SPG7: variants seen among roughly 807,000 people sequenced by gnomAD.
The protein encoded by SPG7 is mitochondrial inner membrane m-AAA protease component paraplegin.
SPG7 carries 103 observed loss-of-function variants against 81.9 expected under a neutral mutation model. The ratio of observed to expected loss-of-function variants is 1.26; its 90% CI spans 1.07 to 1.48. The LOEUF is 1.48. Among genes scored for constraint, SPG7 ranks in the 40% most tolerant of loss-of-function variants. The probability of loss-of-function intolerance (pLI) is 0.00; values close to 1 mark genes in which losing one functional copy is unlikely to be tolerated. For missense variants in SPG7, 1,241 were observed against 1,087.3 expected, an observed-to-expected ratio of 1.14 and a Z score of -1.99; for synonymous variants, 534 against 444.2, an observed-to-expected ratio of 1.20 and a Z score of -2.54.
chr16:89,530,461 G>A (rs1180844137), intron 6 of SPG7: 2 of 607,132 alleles, frequency 3.3e-6, no homozygotes, highest in Admixed American at 5.3e-5. Context: ...TTTTTTTAAA[G>A]CAAATTGCTA....
chr16:89,546,079 C>T, intron 10 of SPG7: 1 of 306,482 alleles, frequency 3.3e-6, no homozygotes, highest in South Asian at 2.5e-5. Flanking sequence ...ACCTCTCCTT[C>T]CAAGAGCGTT....
Position 89,553,826 on chromosome 16 carries a change from A to C in SPG7, c.1969A>C (p.Ile657Leu). 6.2e-7 allele frequency: 1 copy of C among 1,613,550 alleles called. No individual in the cohort carries two copies. The highest frequency in any genetic ancestry group is 8.5e-7 in the Non-Finnish European group (1 of 1,180,022). Reference protein sequence around the residue: ...AQDDLRKVTRIAYSMVKQFGM... With the variant: ...AQDDLRKVTRLAYSMVKQFGM... ...GGACGACCTGAGGAAGGTCACCCGCATCGCCTACTCCATGGTGAAGCAGTT... is the reference window on the plus strand; with the variant it reads ...GGACGACCTGAGGAAGGTCACCCGCCTCGCCTACTCCATGGTGAAGCAGTT... The change falls in exon 15 of 17, where the codon ATC becomes CTC. Residue 657 changes from isoleucine (I) to leucine (L), a missense_variant. Transcript: ENST00000645818.
At chr16:89,512,181 G>A (rs924737783) in intron 2 of SPG7, among the ~76,000 whole-genome samples, 1 of 152,112 alleles carries the variant, frequency 6.6e-6, no homozygotes, top group African/African-American at 2.4e-5. Flanking sequence ...AAAGTGCTGG[G>A]ATTACAGGCG....
At chr16:89,524,759 T>C (rs1052624883) in intron 4 of SPG7, among the ~76,000 whole-genome samples, 1 of 152,020 alleles carries the variant, frequency 6.6e-6, no homozygotes, top group African/African-American at 2.4e-5. Flanking sequence ...CTGGTAACTT[T>C]AGATTCCAAG....
At chr16:89,533,832 A>G (rs2058377896) in intron 9 of SPG7, 1 of 151,680 alleles carries the variant, frequency 6.6e-6, no homozygotes, top group African/African-American at 2.4e-5. Context: ...TTATGTGGAT[A>G]TTGTTGTGGT....
chr16:89,550,030 T>A (rs1382214135), intron 12 of SPG7: 12 of 239,354 alleles, frequency 5.0e-5, no homozygotes, highest in Non-Finnish European at 7.5e-5. Flanking sequence ...ACCTGAAGAG[T>A]GTCGTTTTGA....
intron 8 of SPG7, 99 bp from the exon 9 acceptor site, chr16:89,532,364 T>C: frequency 7.0e-7 from 1 of 1,422,978 alleles, no homozygotes. Flanking sequence ...CTGGTAGCTT[T>C]AGTTGTCCTT....
chr16:89,530,984 A>T, intron 7 of SPG7, 176 bp downstream of exon 7: 1 of 812,880 alleles, frequency 1.2e-6, no homozygotes, highest in East Asian at 2.7e-5. Context: ...AACCAGCAGC[A>T]CAAGCCTCGT....
chr16:89,535,487 G>C (rs571885539), intron 9 of SPG7, among the ~76,000 whole-genome samples: 4 of 152,344 alleles, frequency 2.6e-5, no homozygotes, highest in African/African-American at 9.6e-5. Context: ...CGTGTCTCCA[G>C]TCGTCTCTCA....
At chr16:89,546,790 G>T in intron 11 of SPG7, 30 bp downstream of exon 11, 2 of 1,483,680 alleles carry the variant, frequency 1.3e-6, no homozygotes, top group Non-Finnish European at 1.9e-6. Context: ...CCTGGGCAGC[G>T]TCACGTCCTG....
At chr16:89,517,598 C>G (rs920038642) in intron 3 of SPG7, 1 of 150,706 alleles carries the variant, frequency 6.6e-6, no homozygotes, top group East Asian at 1.9e-4. Flanking sequence ...TCTCCTGCAT[C>G]TGAGTAATTG....
chr16:89,544,893 T>C, intron 10 of SPG7, 121 bp downstream of exon 10: 2 of 1,290,068 alleles, frequency 1.6e-6, no homozygotes, highest in Non-Finnish European at 2.2e-6. Context: ...CCACAGGTGC[T>C]GGCAGTGTCC....
intron 16 of SPG7, 186 bp downstream of exon 16, chr16:89,554,749 A>G (rs1398605656): frequency 1.3e-5 from 8 of 605,966 alleles, no homozygotes; most frequent in East Asian, 8.6e-5. Flanking sequence ...GAACTCGTCA[A>G]GTGTGTTCCC....
intron 7 of SPG7, 29 bp from the exon 8 acceptor site, chr16:89,531,875 T>C (rs766856085): frequency 2.7e-5 from 43 of 1,612,942 alleles, no homozygotes; most frequent in Non-Finnish European, 3.6e-5. Context: ...CCCCAAGTAG[T>C]TAGTGTTGCA....
rs113633761 is a variant in SPG7, at chr16:89,532,039, G to A, written c.1123G>A (p.Gly375Ser). 3.7e-6 allele frequency: 6 copies of A among 1,613,138 alleles called. No homozygotes were observed. Among genetic ancestry groups the A allele is most frequent in the Admixed American group, 1.7e-5 (1 of 60,004 alleles). Residue 375 changes from glycine to serine, a missense_variant, in exon 8 of 17, where the codon GGC becomes AGC. Coordinates refer to ENST00000645818, the MANE Select transcript of SPG7 (RefSeq NM_003119.4). ...TCAGGTGCCCTTCCTGGCGATGGCC[G>A]GCCCAGAGTTCGTGGAGGTCATTGG... ...EAQVPFLAMAGPEFVEVIGGL... is the reference protein window; with the variant it reads ...EAQVPFLAMASPEFVEVIGGL...
chr16:89,527,730 CAG>C (rs1486343691), intron 5 of SPG7, among the ~76,000 whole-genome samples: 3 of 152,172 alleles, frequency 2.0e-5, no homozygotes, highest in African/African-American at 7.2e-5. Context: ...GGTACTGAAA[CAG>C]AGGTTTATTG....
chr16:89,547,771 C>T, intron 11 of SPG7: 1 of 480,830 alleles, frequency 2.1e-6, no homozygotes, highest in Non-Finnish European at 3.9e-6. Flanking sequence ...CACCACCACG[C>T]CCGGCTAATT....
At chr16:89,549,295 C>G (rs1057803) in intron 12 of SPG7, 2 of 444,848 alleles carry the variant, frequency 4.5e-6, no homozygotes, top group African/African-American at 4.0e-5. Flanking sequence ...TGGACACTTA[C>G]AGATGTGTGG....
intron 7 of SPG7, 145 bp downstream of exon 7, chr16:89,530,953 A>G (rs147392621): frequency 4.4e-5 from 47 of 1,076,378 alleles, no homozygotes; most frequent in Non-Finnish European, 6.4e-5. Flanking sequence ...GGGGACACCA[A>G]GCAGGTGCTG....
Sources: gnomAD v4.1 joint callset for allele counts (sites outside exome capture counted in the v4.1 genomes callset) on GRCh38, gnomAD v4.1.1 for gene constraint, MANE v1.5 for transcripts, NCBI Gene and HGNC (gene_info 2026-07-23, HGNC 2026-07-21) for gene names.